Variants in STXBP5L observed in about 807,000 individuals in gnomAD.
STXBP5L encodes the protein syntaxin binding protein 5L, also known as syntaxin-binding protein 5-like.
In STXBP5L, 65 loss-of-function variants were observed where a neutral mutation model predicts 144.5. The ratio of observed to expected loss-of-function variants is 0.45; its 90% CI spans 0.37 to 0.55. The LOEUF is 0.55. STXBP5L is among the 20% of genes least tolerant of loss of function. STXBP5L has a pLI of 0.00. For synonymous variants in STXBP5L, 505 were observed against 469.6 expected (o/e 1.08, Z -0.97); for missense variants, 1,298 against 1,405.5 (o/e 0.92, Z 1.22).
chr3:121,050,940 C>G (rs986474648), intron 5 of STXBP5L, among the ~76,000 whole-genome samples: 3 of 151,876 alleles, frequency 2.0e-5, no homozygotes, highest in East Asian at 3.9e-4. Context: ...CAATCCTAGT[C>G]TCTGATAAAA....
chr3:121,341,530 GA>G (rs1171172661), intron 20 of STXBP5L, among the ~76,000 whole-genome samples: 1 of 151,886 alleles, frequency 6.6e-6, no homozygotes, highest in African/African-American at 2.4e-5. Context: ...ATAGCCAGAA[GA>G]AAGGAAATTT....
intron 3 of STXBP5L, among the ~76,000 whole-genome samples, chr3:121,003,126 G>T (rs866273306): frequency 6.6e-6 from 1 of 152,158 alleles, no homozygotes; most frequent in Admixed American, 6.5e-5. Flanking sequence ...CCGAGGAATT[G>T]CCACACTGAC....
chr3:121,257,053 TA>T, intron 16 of STXBP5L, 107 bp from the exon 17 acceptor site: 1 of 866,716 alleles, frequency 1.2e-6, no homozygotes, highest in Non-Finnish European at 1.7e-6. Context: ...GAATGATTCC[TA>T]AAAAGTTATC....
chr3:120,990,853 G>T (rs575618684), intron 3 of STXBP5L, among the ~76,000 whole-genome samples: 188 of 152,256 alleles, frequency 1.2e-3, no homozygotes, highest in Middle Eastern at 3.4e-3. Context: ...AGACTTAAAT[G>T]TTAGACCTAA....
intron 9 of STXBP5L, among the ~76,000 whole-genome samples, chr3:121,188,030 ATAAAG>A (rs1379814075): frequency 6.6e-6 from 1 of 152,184 alleles, no homozygotes; most frequent in Non-Finnish European, 1.5e-5. Context: ...ACCCGGATTC[ATAAAG>A]TAAATTCTTA....
intron 5 of STXBP5L, among the ~76,000 whole-genome samples, chr3:121,074,552 A>G (rs1319639726): frequency 6.6e-6 from 1 of 152,116 alleles, no homozygotes; most frequent in South Asian, 2.1e-4. Context: ...CCACCACTAC[A>G]TGTGCCTGAT....
At chr3:121,043,013 T>A (rs1947265043) in intron 4 of STXBP5L, among the ~76,000 whole-genome samples, 1 of 151,876 alleles carries the variant, frequency 6.6e-6, no homozygotes, top group Non-Finnish European at 1.5e-5. Context: ...ATAATTTGTT[T>A]CCATGTGATT....
intron 5 of STXBP5L, among the ~76,000 whole-genome samples, chr3:121,074,363 T>C (rs1199378826): frequency 6.6e-6 from 1 of 152,206 alleles, no homozygotes; most frequent in African/African-American, 2.4e-5. Context: ...AATCCTTTAC[T>C]GGCTGGTAAT....
intron 7 of STXBP5L, among the ~76,000 whole-genome samples, chr3:121,131,474 A>G (rs953100300): frequency 2.6e-5 from 4 of 152,172 alleles, no homozygotes; most frequent in Non-Finnish European, 5.9e-5. Context: ...ACTGTTCTTA[A>G]AAAAAGATTG....
intron 20 of STXBP5L, among the ~76,000 whole-genome samples, chr3:121,327,249 T>C (rs1246566763): frequency 6.6e-6 from 1 of 152,160 alleles, no homozygotes; most frequent in Non-Finnish European, 1.5e-5. Flanking sequence ...CATAATGTAA[T>C]GCCTGCAATT....
At chr3:121,257,405 A>G (rs1326808623) in intron 17 of STXBP5L, 72 bp downstream of exon 17, 2 of 1,371,794 alleles carry the variant, frequency 1.5e-6, no homozygotes, top group Non-Finnish European at 1.0e-6. Context: ...TGACAAATGA[A>G]ATTAATTTTC....
intron 7 of STXBP5L, among the ~76,000 whole-genome samples, chr3:121,143,914 G>T (rs1197523150): frequency 6.6e-6 from 1 of 151,694 alleles, no homozygotes; most frequent in Non-Finnish European, 1.5e-5. Flanking sequence ...TCATGACGCT[G>T]GTTTTGACAA....
At chr3:121,306,424 G>T (rs1283277974) in intron 19 of STXBP5L, among the ~76,000 whole-genome samples, 1 of 152,096 alleles carries the variant, frequency 6.6e-6, no homozygotes, top group Non-Finnish European at 1.5e-5. Flanking sequence ...ATCCCTGATT[G>T]CCCTTACCCC....
chr3:121,251,936 C>G (rs1015861973), intron 15 of STXBP5L, among the ~76,000 whole-genome samples: 21 of 152,338 alleles, frequency 1.4e-4, no homozygotes, highest in Middle Eastern at 3.4e-3. Flanking sequence ...TAAAGAGAAA[C>G]TCCAAAGGAC....
chr3:121,189,414 G>A (rs1280523364), intron 9 of STXBP5L, among the ~76,000 whole-genome samples: 2 of 152,144 alleles, frequency 1.3e-5, no homozygotes, highest in Non-Finnish European at 2.9e-5. Flanking sequence ...TGTAAGGAAG[G>A]GATCCAGTTT....
At chr3:121,184,409 A>T (rs763329411) in intron 9 of STXBP5L, among the ~76,000 whole-genome samples, 1 of 151,794 alleles carries the variant, frequency 6.6e-6, no homozygotes, top group African/African-American at 2.4e-5. Context: ...CAAGAACTTC[A>T]TGAAGCATAC....
chr3:121,300,733 A>T (rs1187941781), intron 19 of STXBP5L, among the ~76,000 whole-genome samples: 1 of 152,144 alleles, frequency 6.6e-6, no homozygotes, highest in Non-Finnish European at 1.5e-5. Flanking sequence ...AAACAAACAA[A>T]AAAAAGAACT....
At chr3:120,960,039 G>T (rs1260733589) in intron 3 of STXBP5L, among the ~76,000 whole-genome samples, 1 of 152,042 alleles carries the variant, frequency 6.6e-6, no homozygotes, top group South Asian at 2.1e-4. Flanking sequence ...AATCTACAAA[G>T]AACTCAAACA....
chr3:121,157,416 T>A, intron 8 of STXBP5L, 88 bp from the exon 9 acceptor site: 1 of 1,307,026 alleles, frequency 7.7e-7, no homozygotes, highest in Non-Finnish European at 1.0e-6. Flanking sequence ...AATAATTTTA[T>A]ATCAGAATAG....
Sources: allele counts gnomAD v4.1 joint callset (sites outside exome capture counted in the v4.1 genomes callset), GRCh38; gene constraint gnomAD v4.1.1; transcripts MANE v1.5; gene names NCBI Gene and HGNC (gene_info 2026-07-23, HGNC 2026-07-21).